The following CARD6 variants were observed in gnomAD, a reference collection of about 807,000 sequenced individuals.
CARD6 encodes caspase recruitment domain-containing protein 6.
In CARD6, 27 loss-of-function variants were observed where a neutral mutation model predicts 23.6. The ratio of observed to expected loss-of-function variants is 1.14; its 90% CI spans 0.84 to 1.58. The LOEUF (loss-of-function observed/expected upper bound fraction) is 1.58. Among genes scored for constraint, CARD6 ranks in the 40% most tolerant of loss-of-function variants. The pLI is 0.00. For synonymous variants in CARD6, 397 were observed against 431.8 expected, an observed-to-expected ratio of 0.92 and a Z score of 1.00; for missense variants, 1,214 against 1,209.9, an observed-to-expected ratio of 1.00 and a Z score of -0.05.
At chr5:40,849,271 A>G (rs1385877465) in intron 2 of CARD6, among the ~76,000 whole-genome samples, 2 of 152,158 alleles carry the variant, frequency 1.3e-5, no homozygotes, top group African/African-American at 4.8e-5. Flanking sequence ...TGCTGGGATT[A>G]TAGGTGCGAG....
At chr5:40,842,806 G>A (rs1451928876) in intron 1 of CARD6, among the ~76,000 whole-genome samples, 1 of 152,188 alleles carries the variant, frequency 6.6e-6, no homozygotes, top group East Asian at 1.9e-4. Flanking sequence ...GGGAGGCCGG[G>A]GCAGATGGAT....
At chr5:40,850,817 G>A (rs1403442202) in intron 2 of CARD6, among the ~76,000 whole-genome samples, 1 of 147,338 alleles carries the variant, frequency 6.8e-6, no homozygotes, top group East Asian at 2.0e-4. Flanking sequence ...TTTCATTGCT[G>A]CATGTAAATG....
chr5:40,847,979 C>T (rs1579802805), intron 2 of CARD6, among the ~76,000 whole-genome samples: 4 of 151,918 alleles, frequency 2.6e-5, no homozygotes, highest in African/African-American at 7.2e-5. Context: ...TATTGTTCTA[C>T]AGGTTCCAGA....
At position 40,853,078 on chromosome 5, in the gene CARD6, T is replaced by C. The variant is rs1746105104; in HGVS notation, c.1746T>C (p.Val582=). The C allele has an allele frequency of 6.2e-7, 1 of 1,614,190 alleles. No homozygotes were observed. The highest frequency in any genetic ancestry group is 8.5e-7 in the Non-Finnish European group (1 of 1,180,040). Residue 582 remains valine, a synonymous_variant, in exon 3 of 3, where the codon GTT becomes GTC. Coordinates refer to ENST00000254691, the MANE Select transcript of CARD6 (RefSeq NM_032587.4). ...CTGCCATTGAAAGATGCTACTTTGT[T>C]CTCAGTTCCCAAGCCAGGGAGAGTG... The part of the protein sequence containing the change: ...GEAAIERCYF[V]LSSQARESEE...
Position 40,841,523 on chromosome 5 carries a change from G to A in CARD6, c.141G>A (p.Leu47=), listed in dbSNP as rs755299530. The A allele has an allele frequency of 6.2e-7, 1 of 1,614,000 alleles. No homozygotes were observed. The highest frequency in any genetic ancestry group is 1.1e-5 in the South Asian group (1 of 91,070). ...RLISEEEYET[L]ENVTDLLKKS... ...TTTCTGAGGAAGAGTATGAGACTCT[G>A]GAGAATGTTACAGATCTCCTGAAGA... The change falls in exon 1 of 3, where the codon CTG becomes CTA. Residue 47 remains leucine, a synonymous_variant. Transcript: ENST00000254691.
At chr5:40,852,152 A>C (rs1005440419) in intron 2 of CARD6, 22 bp from the exon 3 acceptor site, 1 of 1,454,644 alleles carries the variant, frequency 6.9e-7, no homozygotes, top group Non-Finnish European at 9.5e-7. Context: ...CATGGCATTC[A>C]CTATTATCTT....
intron 1 of CARD6, among the ~76,000 whole-genome samples, chr5:40,842,631 C>G (rs978275474): frequency 6.6e-6 from 1 of 151,716 alleles, no homozygotes; most frequent in African/African-American, 2.4e-5. Context: ...AAACTTTAAG[C>G]AAGACAGTGG....
intron 2 of CARD6, 143 bp from the exon 3 acceptor site, chr5:40,852,031 G>A: frequency 1.7e-6 from 1 of 603,346 alleles, no homozygotes; most frequent in Middle Eastern, 4.5e-4. Flanking sequence ...AGGCTAAGAT[G>A]GTAGGATTGC....
At position 40,853,957 on chromosome 5, in the gene CARD6, A is replaced by G. The variant is rs772873616; in HGVS notation, c.2625A>G (p.Val875=). ...GGCCTCAGCAAGCTTGCACCAGGGT[A>G]ACAGAGTTAACTGAAGCAACTGGAA... ...KPWPQQACTR[V]TELTEATGKL... is the part of the protein sequence containing the mutation. The change falls in exon 3 of 3, where the codon GTA becomes GTG. Residue 875 remains valine (V), a synonymous_variant. Transcript: ENST00000254691. The G allele has an allele frequency of 6.2e-7, 1 of 1,614,062 alleles. No individual in the cohort carries two copies. Among genetic ancestry groups the G allele is most frequent in the African/African-American group, 1.3e-5 (1 of 74,898 alleles).
Position 40,855,281 on chromosome 5 carries a change from AAAACTCTCTC to A in CARD6, c.*837_*846del, listed in dbSNP as rs1746172352. The A allele has an allele frequency of 6.6e-6, 1 of 152,368 alleles. No homozygotes were observed. The highest frequency in any genetic ancestry group is 2.4e-5 in the African/African-American group (1 of 41,458). 9.4% of individuals were successfully genotyped at this position (152,368 alleles called of 1,614,324 possible). A position where few individuals can be genotyped will look rare whatever the true frequency, so the allele number is the denominator to read the frequency against. On this transcript the variant is annotated 3_prime_UTR_variant, in exon 3 of 3. Coordinates refer to ENST00000254691, the MANE Select transcript of CARD6 (RefSeq NM_032587.4). ...AATAGCCCCAATTTGCTTGAATGGG[AAAACTCTCTC>A]ATTTGACCCTTATAGGTAGAAATAA...
At chr5:40,850,832 C>T (rs1196007587) in intron 2 of CARD6, among the ~76,000 whole-genome samples, 1 of 149,340 alleles carries the variant, frequency 6.7e-6, no homozygotes, top group East Asian at 2.0e-4. Context: ...TAAATGTTAG[C>T]ACATTTTTTT....
Sources: gnomAD v4.1 joint callset for allele counts (sites outside exome capture counted in the v4.1 genomes callset) on GRCh38, gnomAD v4.1.1 for gene constraint, MANE v1.5 for transcripts, NCBI Gene and HGNC (gene_info 2026-07-23, HGNC 2026-07-21) for gene names.